Variants in CCSER1 observed in about 807,000 individuals in gnomAD.
CCSER1 encodes coiled-coil serine rich protein 1.
In CCSER1, 41 loss-of-function variants were observed where a neutral mutation model predicts 82.0. The ratio of observed to expected loss-of-function variants is 0.50; its 90% CI spans 0.39 to 0.65. The LOEUF (loss-of-function observed/expected upper bound fraction) is 0.65. Among genes scored for constraint, CCSER1 ranks in the 30% least tolerant of loss-of-function variants. CCSER1 has a pLI of 0.00. For missense variants in CCSER1, 1,119 were observed against 1,064.2 expected (o/e 1.05, Z -0.72); for synonymous variants, 414 against 383.9 (o/e 1.08, Z -0.92).
chr4:91,392,723 A>G (rs1021065006), intron 10 of CCSER1, among the ~76,000 whole-genome samples: 2 of 152,130 alleles, frequency 1.3e-5, no homozygotes, highest in Admixed American at 1.3e-4. Context: ...TTATATTTAG[A>G]TATTTAGTCA....
chr4:91,347,479 T>G (rs1748136141), intron 10 of CCSER1, among the ~76,000 whole-genome samples: 1 of 150,972 alleles, frequency 6.6e-6, no homozygotes, highest in Admixed American at 6.6e-5. Context: ...TAGAACACAT[T>G]ATTATTTTTT....
intron 9 of CCSER1, among the ~76,000 whole-genome samples, chr4:90,967,055 T>C (rs1041532484): frequency 8.5e-5 from 13 of 152,058 alleles, no homozygotes; most frequent in South Asian, 2.1e-4. Flanking sequence ...GTCAGAGAGA[T>C]TGATAAATTA....
At chr4:91,514,327 G>A (rs541140613) in intron 10 of CCSER1, among the ~76,000 whole-genome samples, 2 of 152,192 alleles carry the variant, frequency 1.3e-5, no homozygotes, top group Non-Finnish European at 2.9e-5. Context: ...AATATGGTTG[G>A]TATGATTTTG....
At chr4:90,726,560 G>A (rs1364323615) in intron 7 of CCSER1, among the ~76,000 whole-genome samples, 1 of 151,936 alleles carries the variant, frequency 6.6e-6, no homozygotes, top group Non-Finnish European at 1.5e-5. Flanking sequence ...TTTCCAATAT[G>A]GCAGCATTTT....
At chr4:90,271,828 A>T (rs547751939) in intron 1 of CCSER1, among the ~76,000 whole-genome samples, 1,372 of 18,540 alleles carry the variant, frequency 0.074, 61 homozygotes, top group African/African-American at 0.19. Context: ...TGGACAATTT[A>T]TATATATATA....
chr4:91,267,225 CTA>C (rs143601798), intron 10 of CCSER1, among the ~76,000 whole-genome samples: 2,425 of 152,190 alleles, frequency 0.016, 68 homozygotes, highest in African/African-American at 0.056. Flanking sequence ...ATGGATATTT[CTA>C]TATGTCAGGT....
chr4:90,714,740 A>T (rs1741316331), intron 6 of CCSER1, among the ~76,000 whole-genome samples: 1 of 152,058 alleles, frequency 6.6e-6, no homozygotes, highest in Non-Finnish European at 1.5e-5. Flanking sequence ...ATCGAAGCAA[A>T]CAAGAGCAAG....
In CCSER1 at chr4:90,561,090, G is replaced by A. The variant is rs573796056; in HGVS notation, c.1725-66935G>A. Among the ~76,000 whole-genome samples the A allele has an allele frequency of 8.5e-5, 13 of 152,238 alleles. No homozygotes were observed. In the South Asian group the frequency reaches 1.9e-3, roughly 22 times the overall value. Reference sequence around the variant, plus strand: ...ATAAAAATAGCAGAAGATGTGTTCCGAAAGCCACTGCCATGGACGTTCATA... The same window carrying A: ...ATAAAAATAGCAGAAGATGTGTTCCAAAAGCCACTGCCATGGACGTTCATA... On this transcript the variant is annotated intron_variant, in intron 5 of 10. Transcript: ENST00000509176.
At chr4:91,500,038 A>C (rs1309556911) in intron 10 of CCSER1, among the ~76,000 whole-genome samples, 1 of 152,088 alleles carries the variant, frequency 6.6e-6, no homozygotes, top group East Asian at 1.9e-4. Flanking sequence ...TAGTTTTTTA[A>C]GAAATTGCCA....
At chr4:91,186,555 G>A (rs747392035) in intron 10 of CCSER1, among the ~76,000 whole-genome samples, 43 of 152,112 alleles carry the variant, frequency 2.8e-4, no homozygotes, top group Admixed American at 3.9e-4. Context: ...ACTCAGCGGC[G>A]CTAGAGGAAT....
intron 10 of CCSER1, among the ~76,000 whole-genome samples, chr4:91,220,310 T>C (rs1011079156): frequency 6.6e-6 from 1 of 152,236 alleles, no homozygotes; most frequent in African/African-American, 2.4e-5. Flanking sequence ...TGCTCGTTTC[T>C]TGCATGCTGC....
intron 10 of CCSER1, among the ~76,000 whole-genome samples, chr4:91,588,461 T>C (rs1028818926): frequency 6.6e-6 from 1 of 151,754 alleles, no homozygotes; most frequent in African/African-American, 2.4e-5. Flanking sequence ...CTAACTTGTA[T>C]GTAATGATAT....
intron 6 of CCSER1, among the ~76,000 whole-genome samples, chr4:90,705,445 G>T (rs1017749461): frequency 1.3e-5 from 2 of 152,332 alleles, no homozygotes; most frequent in East Asian, 3.9e-4. Flanking sequence ...GAGGCAGTCT[G>T]TCCATTCTCA....
At chr4:91,416,297 A>T (rs200341081) in intron 10 of CCSER1, among the ~76,000 whole-genome samples, 1 of 152,202 alleles carries the variant, frequency 6.6e-6, no homozygotes, top group Non-Finnish European at 1.5e-5. Context: ...TATACATTCA[A>T]TGCTATTCCC....
intron 1 of CCSER1, among the ~76,000 whole-genome samples, chr4:90,142,941 AAC>A (rs1352154599): frequency 6.6e-6 from 1 of 152,228 alleles, no homozygotes; most frequent in African/African-American, 2.4e-5. Flanking sequence ...AGAATAAAAT[AAC>A]ACATATATTG....
chr4:90,501,253 AGT>A (rs1433596231), intron 5 of CCSER1, among the ~76,000 whole-genome samples: 1 of 152,192 alleles, frequency 6.6e-6, no homozygotes, highest in African/African-American at 2.4e-5. Context: ...ATTTCATAGT[AGT>A]AATAGAATGT....
chr4:90,242,506 G>C, intron 1 of CCSER1, among the ~76,000 whole-genome samples: 1 of 152,218 alleles, frequency 6.6e-6, no homozygotes, highest in Admixed American at 6.5e-5. Context: ...CATATGAAAA[G>C]GATGATGATA....
At chr4:90,562,034 C>A (rs1173985687) in intron 5 of CCSER1, among the ~76,000 whole-genome samples, 3 of 151,582 alleles carry the variant, frequency 2.0e-5, no homozygotes, top group African/African-American at 7.3e-5. Context: ...ACTAAATATA[C>A]CAAATGTTAG....
chr4:90,876,478 A>G (rs1767221525), intron 8 of CCSER1, among the ~76,000 whole-genome samples: 1 of 152,250 alleles, frequency 6.6e-6, no homozygotes, highest in African/African-American at 2.4e-5. Flanking sequence ...TTTAAGATTA[A>G]AAAGATGAAA....
Sources: allele counts gnomAD v4.1 joint callset (sites outside exome capture counted in the v4.1 genomes callset), GRCh38; gene constraint gnomAD v4.1.1; transcripts MANE v1.5; gene names NCBI Gene and HGNC (gene_info 2026-07-23, HGNC 2026-07-21).